The following MNAT1 variants were observed in gnomAD, a reference collection of about 807,000 sequenced individuals.
The protein encoded by MNAT1 is CDK-activating kinase assembly factor MAT1.
In MNAT1, 43 loss-of-function variants were observed where a neutral mutation model predicts 42.0. The observed-to-expected ratio is 1.02, with a 90% CI of 0.80 to 1.32. The LOEUF (loss-of-function observed/expected upper bound fraction) is 1.32, where lower values mean the gene tolerates loss of function less well. Among genes scored for constraint, MNAT1 ranks in the 40% most tolerant of loss-of-function variants. The probability of loss-of-function intolerance (pLI) is 0.00; values close to 1 mark genes in which losing one functional copy is unlikely to be tolerated. For synonymous variants in MNAT1, 118 were observed against 120.0 expected, an observed-to-expected ratio of 0.98 and a Z score of 0.11; for missense variants, 306 against 350.4, an observed-to-expected ratio of 0.87 and a Z score of 1.01.
chr14:60,797,789 T>A (rs1053715368), intron 2 of MNAT1, among the ~76,000 whole-genome samples: 16 of 151,952 alleles, frequency 1.1e-4, no homozygotes, highest in Admixed American at 7.2e-4. Flanking sequence ...TAAGTGGATA[T>A]GGTGGTGTGC....
intron 7 of MNAT1, among the ~76,000 whole-genome samples, chr14:60,940,735 T>G (rs914967330): frequency 6.6e-6 from 1 of 152,202 alleles, no homozygotes; most frequent in Admixed American, 6.5e-5. Context: ...CAAAGCTTTC[T>G]TACTTATTTA....
chr14:60,884,349 T>C (rs1313317714), intron 7 of MNAT1, among the ~76,000 whole-genome samples: 7 of 152,152 alleles, frequency 4.6e-5, no homozygotes. Context: ...ACTCTGTTGA[T>C]ATGATATATC....
At chr14:60,948,175 A>T (rs1014798293) in intron 7 of MNAT1, among the ~76,000 whole-genome samples, 1 of 152,166 alleles carries the variant, frequency 6.6e-6, no homozygotes, top group African/African-American at 2.4e-5. Flanking sequence ...TCACGCCTGT[A>T]ATCTCAGCGC....
At chr14:60,781,972 T>TGA (rs1457341779) in intron 1 of MNAT1, among the ~76,000 whole-genome samples, 6 of 143,732 alleles carry the variant, frequency 4.2e-5, no homozygotes, top group African/African-American at 1.2e-4. Context: ...TGTGTGTGTG[T>TGA]GATTTTTTTT....
intron 3 of MNAT1, among the ~76,000 whole-genome samples, chr14:60,801,430 T>A: frequency 6.6e-6 from 1 of 152,154 alleles, no homozygotes; most frequent in East Asian, 1.9e-4. Flanking sequence ...TGGGAGAGAA[T>A]ATTTGCAAGC....
At chr14:60,833,018 C>G (rs2033270894) in intron 6 of MNAT1, among the ~76,000 whole-genome samples, 1 of 152,112 alleles carries the variant, frequency 6.6e-6, no homozygotes, top group East Asian at 1.9e-4. Context: ...GACTTTTGCA[C>G]ATTGATTTTG....
At chr14:60,805,709 C>T (rs1039528729) in intron 3 of MNAT1, among the ~76,000 whole-genome samples, 2 of 152,136 alleles carry the variant, frequency 1.3e-5, no homozygotes, top group Non-Finnish European at 2.9e-5. Flanking sequence ...GCATTTAAAG[C>T]TCCTCTGTGT....
intron 6 of MNAT1, among the ~76,000 whole-genome samples, chr14:60,830,854 C>T (rs146394170): frequency 6.6e-6 from 1 of 151,296 alleles, no homozygotes; most frequent in African/African-American, 2.4e-5. Context: ...TTTGCCACAA[C>T]TTCAGGGGCT....
At chr14:60,835,419 C>T (rs1198149312) in intron 6 of MNAT1, among the ~76,000 whole-genome samples, 3 of 152,128 alleles carry the variant, frequency 2.0e-5, no homozygotes, top group African/African-American at 7.2e-5. Context: ...TTCAGGAGCT[C>T]TTGTAAGGCA....
chr14:60,812,278 A>G, intron 5 of MNAT1, 151 bp downstream of exon 5: 1 of 635,932 alleles, frequency 1.6e-6, no homozygotes, highest in South Asian at 4.2e-5. Context: ...ATATCAGTGT[A>G]TTTATTGCTG....
intron 3 of MNAT1, among the ~76,000 whole-genome samples, chr14:60,807,428 A>G (rs2032407353): frequency 6.6e-6 from 1 of 152,162 alleles, no homozygotes; most frequent in Admixed American, 6.5e-5. Context: ...AGTGGTAAGT[A>G]ATTGGAGAAG....
intron 6 of MNAT1, 103 bp from the exon 7 acceptor site, chr14:60,879,611 A>T: frequency 8.7e-7 from 1 of 1,150,280 alleles, no homozygotes; most frequent in Non-Finnish European, 1.2e-6. Context: ...AATGGCTAAT[A>T]CTTCTAATGT....
intron 6 of MNAT1, among the ~76,000 whole-genome samples, chr14:60,821,227 C>T (rs1379896925): frequency 2.0e-5 from 3 of 152,150 alleles, no homozygotes; most frequent in African/African-American, 7.2e-5. Context: ...AGTGATCCTC[C>T]TGCCTTGGCC....
chr14:60,933,519 G>C (rs1488023056), intron 7 of MNAT1, among the ~76,000 whole-genome samples: 1 of 151,962 alleles, frequency 6.6e-6, no homozygotes. Flanking sequence ...TTCTTAAAAA[G>C]AATTTAAGGA....
intron 7 of MNAT1, among the ~76,000 whole-genome samples, chr14:60,961,251 C>T (rs902509419): frequency 1.4e-4 from 21 of 152,214 alleles, no homozygotes; most frequent in African/African-American, 4.3e-4. Flanking sequence ...CATGAGCCAC[C>T]GCGCCCGGCC....
chr14:60,819,302 ATATTG>A (rs1430247311), intron 6 of MNAT1, among the ~76,000 whole-genome samples: 6 of 151,752 alleles, frequency 4.0e-5, no homozygotes, highest in African/African-American at 2.4e-5. Flanking sequence ...AATTTATTTT[ATATTG>A]TATTGTTATA....
At chr14:60,776,345 G>GAT (rs1009745486) in intron 1 of MNAT1, among the ~76,000 whole-genome samples, 41 of 151,984 alleles carry the variant, frequency 2.7e-4, no homozygotes, top group Middle Eastern at 3.4e-3. Flanking sequence ...CCAGCAGAGA[G>GAT]ATATATATAT....
intron 6 of MNAT1, among the ~76,000 whole-genome samples, chr14:60,836,710 C>T (rs751214970): frequency 5.9e-5 from 9 of 152,264 alleles, no homozygotes; most frequent in East Asian, 1.9e-4. Context: ...TCAGGAGGCA[C>T]GGAGGTCAGG....
At chr14:60,839,574 A>G (rs535072536) in intron 6 of MNAT1, among the ~76,000 whole-genome samples, 2 of 152,146 alleles carry the variant, frequency 1.3e-5, no homozygotes, top group East Asian at 1.9e-4. Flanking sequence ...CCTGCTCACC[A>G]TGTTTGGGGG....
Sources: gnomAD v4.1 joint callset for allele counts (sites outside exome capture counted in the v4.1 genomes callset) on GRCh38, gnomAD v4.1.1 for gene constraint, MANE v1.5 for transcripts, NCBI Gene and HGNC (gene_info 2026-07-23, HGNC 2026-07-21) for gene names.